PCDHA7: variants seen among roughly 807,000 people sequenced by gnomAD.
PCDHA7 encodes the protein protocadherin alpha 7.
Under a neutral mutation model 57.2 loss-of-function variants are expected in PCDHA7, and 37 were observed. That is an observed-to-expected ratio of 0.65 (90% CI 0.50 to 0.85). The LOEUF is 0.85. Ranked by LOEUF, PCDHA7 falls within the 40% of genes least tolerant of loss-of-function variation. The pLI, the probability that PCDHA7 is intolerant of heterozygous loss-of-function variation, is 0.00. For synonymous variants in PCDHA7, 553 were observed against 558.8 expected (o/e 0.99, Z 0.15); for missense variants, 1,188 against 1,241.8 (o/e 0.96, Z 0.65).
intron 1 of PCDHA7, chr5:140,927,058 C>T (rs376173105): frequency 1.2e-6 from 2 of 1,611,256 alleles, no homozygotes; most frequent in African/African-American, 1.3e-5. Flanking sequence ...GCGGAACTTT[C>T]GCTTCCTTTC....
At chr5:140,917,281 T>A (rs1354421886) in intron 1 of PCDHA7, among the ~76,000 whole-genome samples, 1 of 151,298 alleles carries the variant, frequency 6.6e-6, no homozygotes, top group Admixed American at 6.6e-5. Context: ...GTAATGACGC[T>A]TTTCCGTGTG....
intron 1 of PCDHA7, among the ~76,000 whole-genome samples, chr5:140,917,329 G>C (rs543216216): frequency 3.5e-5 from 5 of 143,930 alleles, no homozygotes; most frequent in South Asian, 2.2e-4. Flanking sequence ...TGTGGCGGGG[G>C]AGGGGGGGGA....
At chr5:140,836,897 G>A (rs1466903226) in intron 1 of PCDHA7, 159 bp downstream of exon 1, 3 of 603,578 alleles carry the variant, frequency 5.0e-6, no homozygotes, top group South Asian at 2.7e-5. Flanking sequence ...TTGGAAGTAC[G>A]TTTAATATAC....
In PCDHA7 at chr5:141,003,093, C is replaced by T. The variant is rs80317990; in HGVS notation, c.2504-6534C>T. 2.0e-4 allele frequency among the ~76,000 whole-genome samples: 30 copies of T among 152,330 alleles called. No individual in the cohort carries two copies. The East Asian group carries it at 5.4e-3, about 27-fold the overall frequency. ...ATGAGGGTGAGTTTAACAGGCCTGG[C>T]ATTTGCTTCACAATCTTCTGGCCCT... On this transcript the variant is annotated intron_variant, in intron 3 of 3. Coordinates refer to ENST00000525929, the MANE Select transcript of PCDHA7 (RefSeq NM_018910.3).
intron 1 of PCDHA7, chr5:140,859,530 T>G (rs535138857): frequency 5.6e-4 from 108 of 191,500 alleles, no homozygotes; most frequent in Non-Finnish European, 9.8e-4. Context: ...TAAAAAAAAT[T>G]TATTAATTCT....
At chr5:140,999,638 CTG>C (rs2097866913) in intron 3 of PCDHA7, among the ~76,000 whole-genome samples, 1 of 152,170 alleles carries the variant, frequency 6.6e-6, no homozygotes, top group Non-Finnish European at 1.5e-5. Flanking sequence ...GTAGAGAAAA[CTG>C]TGCAGCCTGA....
chr5:140,901,177 G>T (rs2068485979), intron 1 of PCDHA7, among the ~76,000 whole-genome samples: 1 of 152,034 alleles, frequency 6.6e-6, no homozygotes, highest in African/African-American at 2.4e-5. Flanking sequence ...TCACTTTGTT[G>T]ATTGTTTGCT....
chr5:140,842,218 G>A, intron 1 of PCDHA7: 1 of 1,613,154 alleles, frequency 6.2e-7, no homozygotes, highest in Non-Finnish European at 8.5e-7. Context: ...ATCGAAATAC[G>A]GGAGAAATAG....
At chr5:140,865,776 T>C (rs1179893870) in intron 1 of PCDHA7, 1 of 152,204 alleles carries the variant, frequency 6.6e-6, no homozygotes, top group African/African-American at 2.4e-5. Flanking sequence ...ATTATTCAAA[T>C]GTGTATCTTT....
At chr5:140,838,905 AC>A (rs1331540825) in intron 1 of PCDHA7, among the ~76,000 whole-genome samples, 1 of 151,998 alleles carries the variant, frequency 6.6e-6, no homozygotes, top group African/African-American at 2.4e-5. Context: ...ACAGAGCAAT[AC>A]CTTGCCTCAA....
At chr5:140,967,409 C>T (rs1451311967) in intron 1 of PCDHA7, 9 of 1,613,130 alleles carry the variant, frequency 5.6e-6, no homozygotes, top group Non-Finnish European at 7.6e-6. Flanking sequence ...GCGTAAGGGC[C>T]TAGACCGGGA....
intron 1 of PCDHA7, chr5:140,868,276 C>T (rs2050375719): frequency 6.6e-6 from 1 of 151,768 alleles, no homozygotes; most frequent in African/African-American, 2.4e-5. Flanking sequence ...TTTAAAACTA[C>T]CAAGTTTGAG....
intron 1 of PCDHA7, among the ~76,000 whole-genome samples, chr5:140,920,357 A>G (rs782419559): frequency 5.3e-5 from 8 of 151,994 alleles, no homozygotes; most frequent in Non-Finnish European, 8.8e-5. Context: ...TGCTAGTTCT[A>G]TTCATTTATT....
At chr5:140,904,435 A>G (rs542932460) in intron 1 of PCDHA7, among the ~76,000 whole-genome samples, 4 of 151,230 alleles carry the variant, frequency 2.6e-5, no homozygotes, top group African/African-American at 9.7e-5. Flanking sequence ...ATATATATGT[A>G]TATTACAATT....
intron 1 of PCDHA7, among the ~76,000 whole-genome samples, chr5:140,938,635 G>A (rs1361017966): frequency 6.6e-6 from 1 of 151,982 alleles, no homozygotes; most frequent in Non-Finnish European, 1.5e-5. Context: ...TGCTTATGAT[G>A]TATAATCCTT....
intron 1 of PCDHA7, chr5:140,851,050 G>T: frequency 7.2e-7 from 1 of 1,384,398 alleles, no homozygotes; most frequent in African/African-American, 1.5e-5. Context: ...AGCCGACTTT[G>T]TCTTGACTTC....
chr5:140,883,508 G>A (rs939760233), intron 1 of PCDHA7: 1 of 1,614,202 alleles, frequency 6.2e-7, no homozygotes, highest in East Asian at 2.2e-5. Flanking sequence ...CAGCGCCCTG[G>A]ACCGCGAGAG....
chr5:140,871,489 G>A (rs782277615), intron 1 of PCDHA7: 6 of 1,590,138 alleles, frequency 3.8e-6, no homozygotes, highest in Non-Finnish European at 5.1e-6. Flanking sequence ...AAATCACCCC[G>A]GACAGGTGAG....
intron 1 of PCDHA7, among the ~76,000 whole-genome samples, chr5:140,904,286 T>A (rs2071021710): frequency 6.6e-6 from 1 of 152,150 alleles, no homozygotes; most frequent in South Asian, 2.1e-4. Context: ...ATGTGGTGTT[T>A]GGTTTTCCAT....
Sources: allele counts gnomAD v4.1 joint callset (sites outside exome capture counted in the v4.1 genomes callset), GRCh38; gene constraint gnomAD v4.1.1; transcripts MANE v1.5; gene names NCBI Gene and HGNC (gene_info 2026-07-23, HGNC 2026-07-21).